ERC2: variants seen among roughly 807,000 people sequenced by gnomAD.
ERC2 encodes ELKS/RAB6-interacting/CAST family member 2.
ERC2 carries 42 observed loss-of-function variants against 114.8 expected under a neutral mutation model. That is an observed-to-expected ratio of 0.37 (90% CI 0.29 to 0.47). The LOEUF is 0.47. Ranked by LOEUF, ERC2 falls within the 20% of genes least tolerant of loss-of-function variation. ERC2 has a pLI of 0.99. For missense variants in ERC2, 939 were observed against 1,150.7 expected, an observed-to-expected ratio of 0.82 and a Z score of 2.66; for synonymous variants, 454 against 425.5, an observed-to-expected ratio of 1.07 and a Z score of -0.82.
At chr3:55,620,513 T>A (rs1271708149) in intron 17 of ERC2, among the ~76,000 whole-genome samples, 1 of 152,160 alleles carries the variant, frequency 6.6e-6, no homozygotes, top group Non-Finnish European at 1.5e-5. Flanking sequence ...CGGAGAAGGA[T>A]CGGCATAAAC....
At chr3:55,681,625 TAAAG>T (rs1037561670) in intron 17 of ERC2, among the ~76,000 whole-genome samples, 1 of 152,306 alleles carries the variant, frequency 6.6e-6, no homozygotes, top group Middle Eastern at 3.4e-3. Context: ...AAAGGAGTCA[TAAAG>T]AAAGATAAGT....
At chr3:55,932,029 G>A (rs920153483) in intron 13 of ERC2, among the ~76,000 whole-genome samples, 6 of 152,132 alleles carry the variant, frequency 3.9e-5, no homozygotes, top group Admixed American at 1.3e-4. Flanking sequence ...TCTGTAAATA[G>A]AGAACCTAAC....
intron 17 of ERC2, among the ~76,000 whole-genome samples, chr3:55,636,121 CCA>C (rs1014452428): frequency 4.4e-4 from 67 of 152,156 alleles, no homozygotes; most frequent in African/African-American, 1.6e-3. Flanking sequence ...GGTGATCCGC[CCA>C]CCTCGGCCTC....
At chr3:55,991,972 G>T (rs897953299) in intron 11 of ERC2, 85 bp downstream of exon 11, 5 of 1,218,808 alleles carry the variant, frequency 4.1e-6, no homozygotes, top group Admixed American at 3.8e-5. Context: ...TGAATGTACA[G>T]TCCAAATCCA....
intron 17 of ERC2, among the ~76,000 whole-genome samples, chr3:55,574,577 T>C (rs2056881206): frequency 6.6e-6 from 1 of 152,108 alleles, no homozygotes; most frequent in African/African-American, 2.4e-5. Flanking sequence ...TGTGTGACCT[T>C]GGGTGAGGCA....
intron 3 of ERC2, among the ~76,000 whole-genome samples, chr3:56,285,488 G>A (rs1487231550): frequency 6.6e-6 from 1 of 151,926 alleles, no homozygotes; most frequent in Non-Finnish European, 1.5e-5. Flanking sequence ...AAAATCCCTG[G>A]GCTACACCAA....
At chr3:55,961,853 CAA>C (rs56292252) in intron 12 of ERC2, among the ~76,000 whole-genome samples, 2 of 136,398 alleles carry the variant, frequency 1.5e-5, no homozygotes, top group Non-Finnish European at 3.1e-5. Context: ...GATACCCAGT[CAA>C]AAAAAAAAAA....
chr3:56,074,151 G>T (rs1387681108), intron 7 of ERC2, among the ~76,000 whole-genome samples: 1 of 152,088 alleles, frequency 6.6e-6, no homozygotes, highest in Admixed American at 6.5e-5. Flanking sequence ...TGTCTCATGA[G>T]GGAAGCAGGA....
intron 14 of ERC2, among the ~76,000 whole-genome samples, chr3:55,768,534 T>C (rs1346250861): frequency 2.0e-5 from 3 of 152,094 alleles, no homozygotes; most frequent in Admixed American, 2.0e-4. Flanking sequence ...TCTAAAGGAA[T>C]AAAGGGACAA....
At chr3:56,410,294 C>T (rs544817666) in intron 2 of ERC2, among the ~76,000 whole-genome samples, 1 of 152,254 alleles carries the variant, frequency 6.6e-6, no homozygotes, top group South Asian at 2.1e-4. Flanking sequence ...GATTTAAACA[C>T]AAGCAATAAA....
intron 13 of ERC2, among the ~76,000 whole-genome samples, chr3:55,933,139 G>A (rs1226841006): frequency 6.6e-6 from 1 of 151,708 alleles, no homozygotes; most frequent in East Asian, 1.9e-4. Flanking sequence ...AACCTGGGAG[G>A]TGGAGGCTGC....
intron 7 of ERC2, among the ~76,000 whole-genome samples, chr3:56,070,468 TA>T (rs397876769): frequency 0.22 from 10,170 of 46,466 alleles, 1,046 homozygotes; most frequent in African/African-American, 0.39. Flanking sequence ...AAACCTTTTT[TA>T]AAAAAAAAAA....
intron 2 of ERC2, among the ~76,000 whole-genome samples, chr3:56,425,208 C>A (rs905764261): frequency 1.8e-4 from 27 of 152,132 alleles, no homozygotes; most frequent in Non-Finnish European, 3.7e-4. Flanking sequence ...ACCATCTCCC[C>A]ACAAAACACA....
At chr3:56,464,570 C>T (rs765153789) in intron 1 of ERC2, among the ~76,000 whole-genome samples, 14 of 152,318 alleles carry the variant, frequency 9.2e-5, no homozygotes, top group Non-Finnish European at 1.9e-4. Flanking sequence ...TATATGTTAG[C>T]ATGTCTTATA....
At chr3:55,827,568 T>C (rs1482080226) in intron 14 of ERC2, among the ~76,000 whole-genome samples, 1 of 152,220 alleles carries the variant, frequency 6.6e-6, no homozygotes, top group African/African-American at 2.4e-5. Context: ...TGGGTAAAGA[T>C]GTTGATTGAA....
intron 1 of ERC2, among the ~76,000 whole-genome samples, chr3:56,435,362 C>T (rs1344742206): frequency 6.6e-6 from 1 of 152,134 alleles, no homozygotes; most frequent in African/African-American, 2.4e-5. Flanking sequence ...AAATTCCCCC[C>T]ACCCTGCCCC....
chr3:55,630,323 C>T (rs776861794), intron 17 of ERC2, among the ~76,000 whole-genome samples: 3 of 152,170 alleles, frequency 2.0e-5, no homozygotes, highest in African/African-American at 4.8e-5. Context: ...GCGTGCACCA[C>T]CACACCAGGC....
At chr3:56,121,819 G>C (rs1255431430) in intron 6 of ERC2, among the ~76,000 whole-genome samples, 1 of 152,044 alleles carries the variant, frequency 6.6e-6, no homozygotes, top group East Asian at 1.9e-4. Context: ...TTTTCTCAAG[G>C]AAACTACAAT....
chr3:56,341,434 A>G (rs1035423387), intron 2 of ERC2, among the ~76,000 whole-genome samples: 2 of 152,230 alleles, frequency 1.3e-5, no homozygotes, highest in Admixed American at 1.3e-4. Flanking sequence ...AGAGCAATAG[A>G]GAATCCTCAA....
Sources: gnomAD v4.1 joint callset for allele counts (sites outside exome capture counted in the v4.1 genomes callset) on GRCh38, gnomAD v4.1.1 for gene constraint, MANE v1.5 for transcripts, NCBI Gene and HGNC (gene_info 2026-07-23, HGNC 2026-07-21) for gene names.